CPVL: variants seen among roughly 807,000 people sequenced by gnomAD.
The protein encoded by CPVL is probable serine carboxypeptidase CPVL.
Under a neutral mutation model 63.7 loss-of-function variants are expected in CPVL, and 51 were observed. That is an observed-to-expected ratio of 0.80 (90% CI 0.64 to 1.01). The LOEUF is 1.01. Among genes scored for constraint, CPVL ranks in the 50% least tolerant of loss-of-function variants. CPVL has a pLI of 0.00. For missense variants in CPVL, 530 were observed against 573.1 expected (o/e 0.92, Z 0.77); for synonymous variants, 195 against 206.0 (o/e 0.95, Z 0.46).
intron 7 of CPVL, among the ~76,000 whole-genome samples, chr7:29,072,810 A>C: frequency 6.6e-6 from 1 of 152,214 alleles, no homozygotes; most frequent in Non-Finnish European, 1.5e-5. Flanking sequence ...TAAGATTTCA[A>C]AATCTGATAA....
In CPVL at chr7:29,157,735, C is replaced by T. The variant is rs1268771856; in HGVS notation, c.-11+23555G>A. Among the ~76,000 whole-genome samples, 10 of 152,226 alleles carry T rather than the reference C, an allele frequency of 6.6e-5. 1 individual carries two copies. In the South Asian group the frequency reaches 1.0e-3, roughly 16 times the overall value. On this transcript the variant is annotated intron_variant, in intron 5 of 16. Transcript: ENST00000409850. ...CTGAACAAGATCTGGTGATAGAAAACATATTTTCAATAACACTAAACTCAT... is the reference window on the plus strand; with the variant it reads ...CTGAACAAGATCTGGTGATAGAAAATATATTTTCAATAACACTAAACTCAT...
At chr7:29,066,442 A>G (rs892595846) in intron 9 of CPVL, among the ~76,000 whole-genome samples, 4 of 152,184 alleles carry the variant, frequency 2.6e-5, no homozygotes, top group Non-Finnish European at 5.9e-5. Context: ...GGAGAAAACT[A>G]AAGAGGAGTA....
rs776344521 is a variant in CPVL at position 28,995,895 on chromosome 7, A to G, written c.1321-13T>C. 2.9e-5 allele frequency: 42 copies of G among 1,463,394 alleles called. No individual in the cohort carries two copies. The highest frequency in any genetic ancestry group is 3.7e-5 in the Non-Finnish European group (39 of 1,067,678). The allele number at this position is 1,463,394 out of a possible 1,614,324, so 90.7% of individuals were successfully genotyped here. A position where few individuals can be genotyped will look rare whatever the true frequency, so the allele number is the denominator to read the frequency against. Reference sequence around the variant, plus strand: ...CTCGAATAATTACCTTAAAAAGAAAAAGTAAAAGAACGGAAATTTAGAGAA... The same window carrying G: ...CTCGAATAATTACCTTAAAAAGAAAGAGTAAAAGAACGGAAATTTAGAGAA... On this transcript the variant is annotated splice_polypyrimidine_tract_variant and intron_variant, in intron 12 of 12. Transcript: ENST00000265394.
chr7:29,066,149 G>C (rs1258091791), intron 9 of CPVL, 28 bp from the exon 10 acceptor site: 1 of 1,156,714 alleles, frequency 8.6e-7, no homozygotes, highest in African/African-American at 1.5e-5. Flanking sequence ...GAGAAAGAAA[G>C]AAAGAAAGAA....
intron 12 of CPVL, among the ~76,000 whole-genome samples, chr7:29,001,894 C>T (rs1784678156): frequency 1.3e-5 from 2 of 152,294 alleles, no homozygotes; most frequent in Non-Finnish European, 1.5e-5. Flanking sequence ...CTGACTGTGA[C>T]ACAATAGCAT....
chr7:29,030,645 CT>C lies in CPVL; in HGVS notation c.1251del (p.Val418PhefsTer24). On this transcript the variant is annotated frameshift_variant, in exon 12 of 13. Coordinates refer to ENST00000265394, the MANE Select transcript of CPVL (RefSeq NM_031311.5). LOFTEE classifies it high-confidence loss of function. ...GSQEYKKAEKKVWKIFKSDSE... is the reference protein window; with the variant it reads ...GSQEYKKAEKXVWKIFKSDSE... Reference sequence around the variant, plus strand: ...CTGTCAGATTTAAAGATCTTCCAAACTTTTTTTTCTGCCTTCTTGTATTCCT... The same window carrying C: ...CTGTCAGATTTAAAGATCTTCCAAACTTTTTTTCTGCCTTCTTGTATTCCT... 4 of 1,613,762 alleles carry C rather than the reference CT, an allele frequency of 2.5e-6. No homozygotes were observed. Among genetic ancestry groups the C allele is most frequent in the South Asian group, 2.2e-5 (2 of 91,008 alleles).
intron 3 of CPVL, among the ~76,000 whole-genome samples, chr7:29,109,196 G>C (rs751095400): frequency 2.6e-5 from 4 of 152,092 alleles, no homozygotes; most frequent in Non-Finnish European, 4.4e-5. Flanking sequence ...CCTTTCTCTT[G>C]CAGGTTGTAT....
intron 12 of CPVL, among the ~76,000 whole-genome samples, chr7:29,023,449 A>G (rs1273800514): frequency 6.6e-6 from 1 of 152,128 alleles, no homozygotes; most frequent in Non-Finnish European, 1.5e-5. Context: ...CCATGATTCA[A>G]TTACCTCCCA....
chr7:28,999,202 A>G (rs1232919204), intron 12 of CPVL, among the ~76,000 whole-genome samples: 1 of 152,076 alleles, frequency 6.6e-6, no homozygotes, highest in African/African-American at 2.4e-5. Context: ...ACAGAGTGAG[A>G]CTCCACCTCA....
chr7:29,068,927 C>G (rs1783423635), intron 9 of CPVL, among the ~76,000 whole-genome samples: 1 of 150,798 alleles, frequency 6.6e-6, no homozygotes, highest in African/African-American at 2.4e-5. Context: ...TCGTGATCCG[C>G]CCGCCTCGGC....
chr7:29,193,552 TCA>T (rs1300788884), intron 1 of CPVL: 2 of 152,238 alleles, frequency 1.3e-5, no homozygotes, highest in South Asian at 2.1e-4. Flanking sequence ...TCTTCAAATT[TCA>T]CAGTTTTCTG....
At chr7:29,192,117 A>T (rs964984558) in intron 1 of CPVL, 1 of 152,224 alleles carries the variant, frequency 6.6e-6, no homozygotes, top group Non-Finnish European at 1.5e-5. Context: ...GTTATAGCTC[A>T]TATCACACCG....
chr7:29,083,206 G>A (rs767544994), intron 7 of CPVL, among the ~76,000 whole-genome samples: 3 of 152,196 alleles, frequency 2.0e-5, no homozygotes, highest in Non-Finnish European at 2.9e-5. Flanking sequence ...GGAAAAACTC[G>A]GACCATTTTT....
At chr7:29,164,347 C>T (rs905813634) in intron 5 of CPVL, among the ~76,000 whole-genome samples, 24 of 152,038 alleles carry the variant, frequency 1.6e-4, no homozygotes, top group African/African-American at 5.1e-4. Flanking sequence ...GGTTGTTTCT[C>T]TTCTTATTAA....
chr7:29,176,358 GAAAAAGAAAAAAAAATGCC>G (rs1797342059), intron 5 of CPVL, among the ~76,000 whole-genome samples: 1 of 151,402 alleles, frequency 6.6e-6, no homozygotes, highest in African/African-American at 2.4e-5. Context: ...AAACAGAGAG[GAAAAAGAAAAAAAAATGCC>G]AAAAAGAAAT....
intron 11 of CPVL, among the ~76,000 whole-genome samples, chr7:29,059,739 C>T (rs1189401464): frequency 1.3e-5 from 2 of 152,138 alleles, no homozygotes; most frequent in African/African-American, 4.8e-5. Context: ...GTCCTCTCCC[C>T]ACCCATGGTG....
intron 6 of CPVL, among the ~76,000 whole-genome samples, chr7:29,088,290 A>C (rs1168984798): frequency 6.6e-6 from 1 of 152,182 alleles, no homozygotes; most frequent in African/African-American, 2.4e-5. Flanking sequence ...GTTTACCTGA[A>C]ATTCAAATTT....
intron 12 of CPVL, chr7:29,013,156 A>G (rs17157368): frequency 0.091 from 13,866 of 152,236 alleles, 1,895 homozygotes; most frequent in African/African-American, 0.3. Flanking sequence ...GTATTGTGGA[A>G]AAGTCCAGGC....
intron 12 of CPVL, among the ~76,000 whole-genome samples, chr7:29,021,874 C>A (rs143952382): frequency 3.5e-4 from 54 of 152,212 alleles, no homozygotes; most frequent in African/African-American, 1.2e-3. Flanking sequence ...TGCAGACACC[C>A]CCCTACATCT....
Sources: allele counts gnomAD v4.1 joint callset (sites outside exome capture counted in the v4.1 genomes callset), GRCh38; gene constraint gnomAD v4.1.1; transcripts MANE v1.5; gene names NCBI Gene and HGNC (gene_info 2026-07-23, HGNC 2026-07-21).